JCAD: variants seen among roughly 807,000 people sequenced by gnomAD.
JCAD encodes junctional cadherin 5 associated, also known as junctional cadherin 5-associated protein.
JCAD carries 40 observed loss-of-function variants against 98.0 expected under a neutral mutation model. That is an observed-to-expected ratio of 0.41 (90% CI 0.32 to 0.53). The LOEUF (loss-of-function observed/expected upper bound fraction) is 0.53. Ranked by LOEUF, JCAD falls within the 20% of genes least tolerant of loss-of-function variation. The pLI is 0.31. For missense variants in JCAD, 1,705 were observed against 1,738.1 expected (o/e 0.98, Z 0.34); for synonymous variants, 691 against 682.3 (o/e 1.01, Z -0.20).
At chr10:30,018,406 G>T (rs1836583692) in intron 3 of JCAD, among the ~76,000 whole-genome samples, 1 of 151,438 alleles carries the variant, frequency 6.6e-6, no homozygotes, top group African/African-American at 2.4e-5. Context: ...AATCCTGACT[G>T]CTTGGCTGGC....
At position 30,028,139 on chromosome 10, in the gene JCAD, G is replaced by T; in HGVS notation, c.2009C>A (p.Thr670Lys). ...AGAATGCTTGAGTTCTCTGTGCTTTGTAAGGTGGATGAAACTGAGGTCATT... is the reference window on the plus strand; with the variant it reads ...AGAATGCTTGAGTTCTCTGTGCTTTTTAAGGTGGATGAAACTGAGGTCATT... ...QTNDLSFIHL[T>K]KHRELKHSGS... Residue 670 changes from threonine to lysine, a missense_variant, in exon 3 of 4, where the codon ACA (threonine) becomes AAA (lysine). Around this residue, in one of 3 missense-constraint regions of JCAD, gnomAD observed 1,278 missense variants for 1,243.1 expected, o/e 1.03. Coordinates refer to ENST00000375377, the MANE Select transcript of JCAD (RefSeq NM_020848.4). 2 of 1,614,198 alleles carry T rather than the reference G, an allele frequency of 1.2e-6. No homozygotes were observed. The highest frequency in any genetic ancestry group is 2.7e-5 in the African/African-American group (2 of 75,044).
chr10:30,093,566 A>T (rs866848318), intron 1 of JCAD, among the ~76,000 whole-genome samples: 3 of 152,280 alleles, frequency 2.0e-5, no homozygotes, highest in Middle Eastern at 3.4e-3. Flanking sequence ...CTCTTATAGG[A>T]TTGCTTGGTG....
chr10:30,085,637 A>C (rs115362741), intron 1 of JCAD, among the ~76,000 whole-genome samples: 3 of 152,178 alleles, frequency 2.0e-5, no homozygotes, highest in African/African-American at 7.2e-5. Context: ...TTCAAGACCA[A>C]CGACATATGT....
At chr10:30,101,302 G>A (rs376037208) in intron 1 of JCAD, among the ~76,000 whole-genome samples, 1 of 152,030 alleles carries the variant, frequency 6.6e-6, no homozygotes, top group Admixed American at 6.6e-5. Flanking sequence ...CCAGCTACTC[G>A]GGAGGCTGAA....
Position 30,071,919 on chromosome 10 carries a change from C to T in JCAD, n.129-2098G>A, listed in dbSNP as rs1837899069. Among the ~76,000 whole-genome samples, 3 of 152,164 alleles carry T rather than the reference C, an allele frequency of 2.0e-5. No homozygotes were observed. In the South Asian group the frequency reaches 6.2e-4, roughly 32 times the overall value. On this transcript the variant is annotated intron_variant and non_coding_transcript_variant, in intron 1 of 2. Coordinates refer to the JCAD transcript ENST00000465712. ...GAAAACAAAATATGCTCCTCTTCCT[C>T]ATAAAGGCAAGTGAACAGAGGTTAA...
At chr10:30,044,796 CTCCAATTT>C (rs1837303616) in intron 2 of JCAD, 9 of 983,408 alleles carry the variant, frequency 9.2e-6, no homozygotes, top group Non-Finnish European at 1.1e-5. Flanking sequence ...TTCTGTTTCC[CTCCAATTT>C]TCAGTTCTCT....
intron 2 of JCAD, among the ~76,000 whole-genome samples, chr10:30,035,045 G>A (rs928549447): frequency 8.5e-5 from 13 of 152,136 alleles, no homozygotes; most frequent in African/African-American, 3.1e-4. Flanking sequence ...GCTTTGACGC[G>A]TTTTTCTCAA....
intron 1 of JCAD, among the ~76,000 whole-genome samples, chr10:30,097,306 C>T (rs1838386230): frequency 6.6e-6 from 1 of 152,114 alleles, no homozygotes; most frequent in East Asian, 1.9e-4. Flanking sequence ...TACTCTAAGC[C>T]CCCTGCAGCC....
intron 1 of JCAD, among the ~76,000 whole-genome samples, chr10:30,079,212 T>C (rs1838031641): frequency 6.6e-6 from 1 of 151,918 alleles, no homozygotes. Context: ...CCGGGCGTGG[T>C]GGCCGGCGCC....
intron 2 of JCAD, among the ~76,000 whole-genome samples, chr10:30,030,120 G>A (rs1269630196): frequency 2.0e-5 from 3 of 152,232 alleles, no homozygotes. Context: ...GTGTACTCCA[G>A]CGATGTCAAG....
At chr10:30,088,298 C>T (rs1838198796) in intron 1 of JCAD, among the ~76,000 whole-genome samples, 1 of 152,276 alleles carries the variant, frequency 6.6e-6, no homozygotes, top group Non-Finnish European at 1.5e-5. Context: ...GAATGGAAAA[C>T]AGGGCAATCA....
At chr10:30,101,781 C>T (rs1040170402) in intron 1 of JCAD, among the ~76,000 whole-genome samples, 1 of 152,168 alleles carries the variant, frequency 6.6e-6, no homozygotes, top group Non-Finnish European at 1.5e-5. Flanking sequence ...CTGTCATAAA[C>T]ATCTTAAGAA....
chr10:30,065,176 C>A (rs1424723527), intron 2 of JCAD, among the ~76,000 whole-genome samples: 1 of 152,124 alleles, frequency 6.6e-6, no homozygotes, highest in East Asian at 1.9e-4. Flanking sequence ...TAAGACCCGG[C>A]ATTTGATATA....
At position 30,027,647 on chromosome 10, in the gene JCAD, T is replaced by G. The variant is rs554587601; in HGVS notation, c.2501A>C (p.Gln834Pro). The change falls in exon 3 of 4, where the codon CAG becomes CCG. Residue 834 changes from glutamine (Q) to proline (P), a missense_variant. By Grantham distance (76) the Gln-to-Pro change is moderately conservative. Around this residue, in one of 3 missense-constraint regions of JCAD, gnomAD observed 1,278 missense variants for 1,243.1 expected, o/e 1.03. Transcript: ENST00000375377. ...VSRRPWDLIS[Q>P]LESFNKELQE... ...GAGCTCCTTGTTAAAACTTTCTAAC[T>G]GACTGATCAAATCCCAGGGACGACG... is the stretch of plus-strand genomic sequence containing the variant. The G allele has an allele frequency of 2.8e-5, 45 of 1,614,140 alleles. No individual in the cohort carries two copies. Among genetic ancestry groups the G allele is most frequent in the Non-Finnish European group, 3.6e-5 (43 of 1,180,052 alleles).
chr10:30,097,146 G>A (rs762953343), intron 1 of JCAD, among the ~76,000 whole-genome samples: 1 of 152,140 alleles, frequency 6.6e-6, no homozygotes, highest in Non-Finnish European at 1.5e-5. Context: ...AACCAAATCT[G>A]CACTGTCTAA....
At chr10:30,023,979 T>C (rs1172740085) in intron 3 of JCAD, among the ~76,000 whole-genome samples, 1 of 152,110 alleles carries the variant, frequency 6.6e-6, no homozygotes, top group Non-Finnish European at 1.5e-5. Context: ...ACCTGAGCAG[T>C]GTAGGCAAGA....
intron 1 of JCAD, among the ~76,000 whole-genome samples, chr10:30,076,278 C>T (rs1463169704): frequency 2.6e-5 from 4 of 152,082 alleles, no homozygotes; most frequent in African/African-American, 7.2e-5. Flanking sequence ...CCACCTGCCT[C>T]GGCCTCCCAA....
At chr10:30,105,869 T>G (rs1315280279) in intron 1 of JCAD, among the ~76,000 whole-genome samples, 1 of 152,206 alleles carries the variant, frequency 6.6e-6, no homozygotes, top group Admixed American at 6.5e-5. Flanking sequence ...CAAAAGCTGA[T>G]TTTACAATTT....
At chr10:30,018,743 C>T (rs1836591552) in intron 3 of JCAD, among the ~76,000 whole-genome samples, 1 of 152,120 alleles carries the variant, frequency 6.6e-6, no homozygotes, top group Non-Finnish European at 1.5e-5. Flanking sequence ...ACACGTGCGC[C>T]TCCTGTGGTA....
Sources: allele counts gnomAD v4.1 joint callset (sites outside exome capture counted in the v4.1 genomes callset), GRCh38; gene constraint gnomAD v4.1.1; regional missense constraint gnomAD v4.1.1; transcripts MANE v1.5; gene names NCBI Gene and HGNC (gene_info 2026-07-23, HGNC 2026-07-21).